Variants in PEG3 observed in about 807,000 individuals in gnomAD.
The protein encoded by PEG3 is paternally expressed 3.
Under a neutral mutation model 35.5 loss-of-function variants are expected in PEG3, and 23 were observed. The ratio of observed to expected loss-of-function variants is 0.65; its 90% CI spans 0.47 to 0.92. The LOEUF (loss-of-function observed/expected upper bound fraction) is 0.92. Among genes scored for constraint, PEG3 ranks in the 40% least tolerant of loss-of-function variants. The pLI is 0.00. For missense variants in PEG3, 1,960 were observed against 1,985.3 expected (o/e 0.99, Z 0.24); for synonymous variants, 707 against 697.0 (o/e 1.01, Z -0.23).
rs150977299 is a variant in PEG3 at position 56,813,776 on chromosome 19, C to T, written c.4666G>A (p.Ala1556Thr). The T allele has an allele frequency of 6.2e-7, 1 of 1,614,130 alleles. No homozygotes were observed. Among genetic ancestry groups the T allele is most frequent in the African/African-American group, 1.3e-5 (1 of 75,028 alleles). Residue 1556 changes from alanine to threonine, a missense_variant, in exon 10 of 10, where the codon GCC (alanine) becomes ACC (threonine). By Grantham distance (58) the Ala-to-Thr change is moderately conservative. Coordinates refer to ENST00000326441, the MANE Select transcript of PEG3 (RefSeq NM_006210.3). ...AAGTACTTCTCATCAGCTTGATTGG[C>T]ACCACCTGTGCTGGTGCTGGCACGT... ...IERASTSTGG[A>T]NQADEKYFKC...
intron 2 of PEG3, chr19:56,833,119 G>A (rs1326272010): frequency 1.9e-6 from 1 of 514,392 alleles, no homozygotes; most frequent in Non-Finnish European, 3.9e-6. Flanking sequence ...GAAAGCGTCT[G>A]GGACCATGTG....
At chr19:56,830,356 G>A (rs1384491137) in intron 2 of PEG3, among the ~76,000 whole-genome samples, 1 of 152,192 alleles carries the variant, frequency 6.6e-6, no homozygotes, top group Admixed American at 6.5e-5. Flanking sequence ...AGGGGAAGGG[G>A]AGCCCACAAG....
Position 56,816,023 on chromosome 19 carries a change from T to A in PEG3, c.2419A>T (p.Ile807Phe). Residue 807 changes from isoleucine (I) to phenylalanine (F), a missense_variant, in exon 10 of 10, where the codon ATT becomes TTT. Coordinates refer to ENST00000326441, the MANE Select transcript of PEG3 (RefSeq NM_006210.3). The stretch of plus-strand genomic sequence containing the variant: ...TGGTTGATAGCATCGAAGCTCTGAA[T>A]GGTAGACTCTGCCATTACTTTTGGT... ...SKPKVMAEST[I>F]QSFDAINHQR... 1 of 1,593,464 alleles carries A rather than the reference T, an allele frequency of 6.3e-7. No individual in the cohort carries two copies. The highest frequency in any genetic ancestry group is 8.5e-7 in the Non-Finnish European group (1 of 1,170,620).
At chr19:56,822,691 T>C (rs142074460) in intron 6 of PEG3, 62 bp downstream of exon 6, 65 of 1,592,318 alleles carry the variant, frequency 4.1e-5, no homozygotes, top group Non-Finnish European at 5.1e-5. Flanking sequence ...ACTTTCCCCT[T>C]GAACCTGTGC....
chr19:56,815,849 T>C lies in PEG3; in HGVS notation c.2593A>G (p.Ile865Val), dbSNP rs1293651587. ...TGTCGCTTATCATTAAGGTCTGAGA[T>C]ATAAATGGAGGATTCTCCCTTCTCA... ...SNEKGESSIY[I>V]SDLNDKRQKI... Residue 865 changes from isoleucine (I) to valine (V), a missense_variant, in exon 10 of 10, where the codon ATC (isoleucine) becomes GTC (valine). This residue lies in a region of PEG3 where 798 missense variants were observed against 782.4 expected (regional missense o/e 1.02). Transcript: ENST00000326441. 1.2e-6 allele frequency: 2 copies of C among 1,613,762 alleles called. No homozygotes were observed. The highest frequency in any genetic ancestry group is 1.7e-6 in the Non-Finnish European group (2 of 1,179,796).
rs2059590070 is a variant in PEG3, at chr19:56,812,241, A to T, written c.*1434T>A. On this transcript the variant is annotated 3_prime_UTR_variant, in exon 10 of 10. Coordinates refer to ENST00000326441, the MANE Select transcript of PEG3 (RefSeq NM_006210.3). ...GAGCACAGGTAGTCCACAGAATAGG[A>T]CACAAGAAACCTCAAGCTGTGAGGT... 1 of 978,296 alleles carries T rather than the reference A, an allele frequency of 1.0e-6. No individual in the cohort carries two copies. 60.6% of individuals were successfully genotyped at this position (978,296 alleles called of 1,614,324 possible).
chr19:56,813,815 A>C lies in PEG3; in HGVS notation c.4627T>G (p.Ser1543Ala). The C allele has an allele frequency of 1.9e-6, 3 of 1,614,148 alleles. No homozygotes were observed. The highest frequency in any genetic ancestry group is 2.5e-6 in the Non-Finnish European group (3 of 1,180,038). ...FEPANAFGEC[S>A]GYIERASTST... is the part of the protein sequence containing the mutation. ...GTGCTGGCACGTTCGATGTAGCCTG[A>C]GCACTCCCCAAAGGCATTTGCAGGC... The change falls in exon 10 of 10, where the codon TCA becomes GCA. Residue 1543 changes from serine (S) to alanine (A), a missense_variant. This residue lies in a region of PEG3 where 416 missense variants were observed against 416.7 expected (regional missense o/e 1.00). Transcript: ENST00000326441.
In PEG3 at chr19:56,811,220, T is replaced by C. The variant is rs1484897572; in HGVS notation, c.*2455A>G. ...ACTACCATAAAGAACATTCAAGAAA[T>C]TTAAGAAAATAATGCTCAACTATAA... is the stretch of plus-strand genomic sequence containing the variant. On this transcript the variant is annotated 3_prime_UTR_variant, in exon 10 of 10. Transcript: ENST00000326441. The C allele has an allele frequency of 1.0e-6, 1 of 967,996 alleles. No homozygotes were observed. Among genetic ancestry groups the C allele is most frequent in the Non-Finnish European group, 1.2e-6 (1 of 814,252 alleles). 60.0% of individuals were successfully genotyped at this position (967,996 alleles called of 1,614,324 possible).
chr19:56,812,897 C>G lies in PEG3; in HGVS notation c.*778G>C, dbSNP rs1447126971. Reference sequence around the variant, plus strand: ...CTTCAACAAACATAACATGTGGCAACCAATCAATCTGGGTCACAAAAAGCC... The same window carrying G: ...CTTCAACAAACATAACATGTGGCAAGCAATCAATCTGGGTCACAAAAAGCC... On this transcript the variant is annotated 3_prime_UTR_variant, in exon 10 of 10. Coordinates refer to ENST00000326441, the MANE Select transcript of PEG3 (RefSeq NM_006210.3). 3.0e-6 allele frequency: 3 copies of G among 984,656 alleles called. No homozygotes were observed. Among genetic ancestry groups the G allele is most frequent in the East Asian group, 2.3e-4 (2 of 8,792 alleles). The allele number at this position is 984,656 out of a possible 1,614,324, so 61.0% of individuals were successfully genotyped here.
Position 56,810,122 on chromosome 19 carries a change from A to G in PEG3, c.*3553T>C. 1 of 960,408 alleles carries G rather than the reference A, an allele frequency of 1.0e-6. No individual in the cohort carries two copies. The highest frequency in any genetic ancestry group is 1.2e-6 in the Non-Finnish European group (1 of 807,126). 59.5% of individuals were successfully genotyped at this position (960,408 alleles called of 1,614,324 possible). A position where few individuals can be genotyped will look rare whatever the true frequency, so the allele number is the denominator to read the frequency against. Reference sequence around the variant, plus strand: ...ATTTTTATTGTTGACACTATTACAGATAGAATGACCACAACCATATTAACA... The same window carrying G: ...ATTTTTATTGTTGACACTATTACAGGTAGAATGACCACAACCATATTAACA... On this transcript the variant is annotated 3_prime_UTR_variant, in exon 10 of 10. Transcript: ENST00000326441.
At position 56,814,929 on chromosome 19, in the gene PEG3, A is replaced by G. The variant is rs1243124592; in HGVS notation, c.3513T>C (p.Ser1171=). The change falls in exon 10 of 10, where the codon TCT becomes TCC. Residue 1171 remains serine (S), a synonymous_variant. Coordinates refer to ENST00000326441, the MANE Select transcript of PEG3 (RefSeq NM_006210.3). The surrounding 1 kb of genome is among the most constrained non-coding windows in gnomAD (Gnocchi z 5.8). ...CGAAAAGGAATGAGCTATGAATAAA[A>G]GATTCCCCACACTTTGGACATTCAT... ...QLYECPKCGE[S]FIHSSFLFEH... The G allele has an allele frequency of 1.2e-6, 2 of 1,614,080 alleles. No individual in the cohort carries two copies. Among genetic ancestry groups the G allele is most frequent in the African/African-American group, 2.7e-5 (2 of 74,908 alleles).
At chr19:56,831,354 C>T (rs992529960) in intron 2 of PEG3, among the ~76,000 whole-genome samples, 10 of 152,138 alleles carry the variant, frequency 6.6e-5, no homozygotes, top group African/African-American at 2.4e-4. Context: ...AACTTTCTTA[C>T]AGCTAAATGG....
intron 2 of PEG3, among the ~76,000 whole-genome samples, chr19:56,830,326 A>G (rs2061458495): frequency 6.6e-6 from 1 of 152,262 alleles, no homozygotes; most frequent in Non-Finnish European, 1.5e-5. Context: ...ATCAGGGTAA[A>G]CTGTTACATA....
rs8103783 is a variant in PEG3 at position 56,811,814 on chromosome 19, C to A, written c.*1861G>T. 1 of 985,398 alleles carries A rather than the reference C, an allele frequency of 1.0e-6. No individual in the cohort carries two copies. Among genetic ancestry groups the A allele is most frequent in the African/African-American group, 1.7e-5 (1 of 57,210 alleles). 61.0% of individuals were successfully genotyped at this position (985,398 alleles called of 1,614,324 possible). On this transcript the variant is annotated 3_prime_UTR_variant, in exon 10 of 10. Coordinates refer to ENST00000326441, the MANE Select transcript of PEG3 (RefSeq NM_006210.3). ...CTTTTCCAAACTGCTCAGGACACCC[C>A]GCTCAATTCATTCTCAGAAACCTGG... is the stretch of plus-strand genomic sequence containing the variant.
intron 3 of PEG3, among the ~76,000 whole-genome samples, chr19:56,825,897 G>A (rs923828520): frequency 1.3e-5 from 2 of 152,156 alleles, no homozygotes; most frequent in Non-Finnish European, 2.9e-5. Flanking sequence ...GCAAATCAAT[G>A]TGGTAATCAC....
chr19:56,833,691 G>C (rs1221155688), intron 2 of PEG3: 3 of 166,594 alleles, frequency 1.8e-5, no homozygotes, highest in African/African-American at 7.2e-5. Flanking sequence ...CAGGAAAGAA[G>C]CATTCCTACA....
In PEG3 at chr19:56,823,638, G is replaced by A. The variant is rs983668470; in HGVS notation, c.436C>T (p.Arg146Trp). The change falls in exon 5 of 10, where the codon CGG (arginine) becomes TGG (tryptophan). Residue 146 changes from arginine (R) to tryptophan (W), a missense_variant. Coordinates refer to ENST00000326441, the MANE Select transcript of PEG3 (RefSeq NM_006210.3). ...SDVTSDDDMT[R>W]NRRESSPPHS... ...GGTGGTGAGGACTCTCTTCTGTTCC[G>A]GGTCATGTCGTCGTCGCTGGTCACG... is the stretch of plus-strand genomic sequence containing the variant. The A allele has an allele frequency of 5.0e-6, 8 of 1,613,958 alleles. No individual in the cohort carries two copies. The highest frequency in any genetic ancestry group is 1.6e-4 in the Middle Eastern group (1 of 6,084).
chr19:56,836,676 A>C (rs1030520151), intron 1 of PEG3, among the ~76,000 whole-genome samples: 1 of 152,244 alleles, frequency 6.6e-6, no homozygotes, highest in African/African-American at 2.4e-5. Flanking sequence ...GCTTATTAAA[A>C]ACTATTCAAA....
chr19:56,821,787 G>A, intron 6 of PEG3, 33 bp from the exon 7 acceptor site: 1 of 1,611,194 alleles, frequency 6.2e-7, no homozygotes, highest in Non-Finnish European at 8.5e-7. Context: ...CAAGAAGCAG[G>A]GCCCAGTCCA....
Sources: gnomAD v4.1 joint callset for allele counts (sites outside exome capture counted in the v4.1 genomes callset) on GRCh38, gnomAD v4.1.1 for gene constraint, gnomAD v4.1.1 regional missense constraint, Gnocchi (gnomAD v3.1) non-coding constraint, MANE v1.5 for transcripts, NCBI Gene and HGNC (gene_info 2026-07-23, HGNC 2026-07-21) for gene names.